Variants in FIGN observed in about 807,000 individuals in gnomAD.
FIGN encodes fidgetin, microtubule severing factor, also known as fidgetin.
In FIGN, 11 loss-of-function variants were observed where a neutral mutation model predicts 51.3. The observed-to-expected ratio is 0.21, with a 90% CI of 0.13 to 0.35. The LOEUF is 0.35. Ranked by LOEUF, FIGN falls within the 10% of genes least tolerant of loss-of-function variation. The probability of loss-of-function intolerance (pLI) is 1.00; values close to 1 mark genes in which losing one functional copy is unlikely to be tolerated. For synonymous variants in FIGN, 407 were observed against 363.2 expected, an observed-to-expected ratio of 1.12 and a Z score of -1.37; for missense variants, 857 against 943.6, an observed-to-expected ratio of 0.91 and a Z score of 1.20.
In FIGN at chr2:163,611,474, G is replaced by C. The variant is rs768613569; in HGVS notation, c.358C>G (p.Pro120Ala). The C allele has an allele frequency of 1.2e-6, 2 of 1,614,170 alleles. No homozygotes were observed. Among genetic ancestry groups the C allele is most frequent in the Non-Finnish European group, 1.7e-6 (2 of 1,180,022 alleles). The part of the protein sequence containing the change: ...QPSLNSEAVY[P>A]MNCVPDVITA... ...ATAACATCCGGAACACAGTTCATGG[G>C]ATAAACAGCTTCTGAATTCAAGGAA... The change falls in exon 3 of 3, where the codon CCC becomes GCC. Residue 120 changes from proline (P) to alanine (A), a missense_variant. By Grantham distance (27) the Pro-to-Ala change is conservative (BLOSUM62 -1). Around this residue, in one of 3 missense-constraint regions of FIGN, gnomAD observed 799 missense variants for 849.5 expected, o/e 0.94. Coordinates refer to ENST00000333129, the MANE Select transcript of FIGN (RefSeq NM_018086.4).
At chr2:163,704,176 A>G (rs2105352357) in intron 2 of FIGN, among the ~76,000 whole-genome samples, 1 of 152,270 alleles carries the variant, frequency 6.6e-6, no homozygotes, top group South Asian at 2.1e-4. Flanking sequence ...AAGGTGATTG[A>G]AGGGTACAGT....
At chr2:163,709,810 T>C (rs903358913) in intron 2 of FIGN, among the ~76,000 whole-genome samples, 2 of 152,154 alleles carry the variant, frequency 1.3e-5, no homozygotes, top group Admixed American at 6.6e-5. Context: ...TGTTTTAAAA[T>C]GGGCAGGTCA....
chr2:163,624,131 TG>T (rs1299896643), intron 2 of FIGN, among the ~76,000 whole-genome samples: 1 of 152,104 alleles, frequency 6.6e-6, no homozygotes, highest in African/African-American at 2.4e-5. Context: ...AAATCAAGTT[TG>T]GCATCTAATG....
rs1012508978 is a variant in FIGN, at chr2:163,607,726, A to G, written c.*1826T>C. The G allele has an allele frequency of 1.4e-4, 21 of 152,346 alleles. No individual in the cohort carries two copies. The highest frequency in any genetic ancestry group is 2.8e-4 in the Non-Finnish European group (19 of 68,040). The allele number at this position is 152,346 out of a possible 1,614,324, so 9.4% of individuals were successfully genotyped here. A position where few individuals can be genotyped will look rare whatever the true frequency, so the allele number is the denominator to read the frequency against. On this transcript the variant is annotated 3_prime_UTR_variant, in exon 3 of 3. Transcript: ENST00000333129. ...AGTTTTGTTACTGCATCTCTAAACT[A>G]AAAAAAGAAAAGGGGAAAAAACCCA...
chr2:163,610,373 C>T lies in FIGN; in HGVS notation c.1459G>A (p.Asp487Asn), dbSNP rs1558993668. 1 of 1,614,144 alleles carries T rather than the reference C, an allele frequency of 6.2e-7. No homozygotes were observed. Among genetic ancestry groups the T allele is most frequent in the African/African-American group, 1.3e-5 (1 of 75,042 alleles). Residue 487 changes from aspartate (D) to asparagine (N), a missense_variant, in exon 3 of 3, where the codon GAC becomes AAC. Asp to Asn is a conservative substitution (Grantham distance 23, BLOSUM62 1). Coordinates refer to ENST00000333129, the MANE Select transcript of FIGN (RefSeq NM_018086.4). ...TTCACCAGGTCGAGACCAGCAATGT[C>T]ATTCCAGTCCACTGGAGGTCCTTGG... ...ITQGPPVDWN[D>N]IAGLDLVKAV...
intron 2 of FIGN, among the ~76,000 whole-genome samples, chr2:163,703,553 C>T (rs549536425): frequency 2.6e-5 from 4 of 152,116 alleles, no homozygotes; most frequent in Non-Finnish European, 5.9e-5. Flanking sequence ...CCATCAAGGA[C>T]TGCTGGATGT....
chr2:163,666,621 C>T (rs1226178851), intron 2 of FIGN, among the ~76,000 whole-genome samples: 1 of 152,092 alleles, frequency 6.6e-6, no homozygotes, highest in Non-Finnish European at 1.5e-5. Flanking sequence ...AAATGATCTC[C>T]TTTTAAGACC....
chr2:163,694,731 C>T (rs149356217), intron 2 of FIGN, among the ~76,000 whole-genome samples: 1 of 152,134 alleles, frequency 6.6e-6, no homozygotes, highest in African/African-American at 2.4e-5. Context: ...TACTACTTCA[C>T]CAAACAAAGA....
chr2:163,629,705 A>C (rs1236307990), intron 2 of FIGN, among the ~76,000 whole-genome samples: 1 of 152,134 alleles, frequency 6.6e-6, no homozygotes, highest in Non-Finnish European at 1.5e-5. Flanking sequence ...AGAGATGAAT[A>C]GTTGTGGCAG....
At chr2:163,659,082 C>T (rs1683610028) in intron 2 of FIGN, among the ~76,000 whole-genome samples, 1 of 151,804 alleles carries the variant, frequency 6.6e-6, no homozygotes, top group African/African-American at 2.4e-5. Context: ...TCTTTTCTTA[C>T]TAAATGGTCA....
At chr2:163,672,835 T>G (rs1683899115) in intron 2 of FIGN, among the ~76,000 whole-genome samples, 1 of 152,210 alleles carries the variant, frequency 6.6e-6, no homozygotes, top group South Asian at 2.1e-4. Context: ...AAGACACACA[T>G]GCACACTCTG....
In FIGN at chr2:163,609,323, C is replaced by T. The variant is rs960932512; in HGVS notation, c.*229G>A. The T allele has an allele frequency of 1.8e-6, 1 of 545,718 alleles. No homozygotes were observed. Among genetic ancestry groups the T allele is most frequent in the African/African-American group, 1.9e-5 (1 of 52,960 alleles). 33.8% of individuals were successfully genotyped at this position (545,718 alleles called of 1,614,324 possible). Reference sequence around the variant, plus strand: ...TGAGTGTTGTCTAGCTTGAACAGAACTGAGCATCCACATATGCTTTCTGTC... The same window carrying T: ...TGAGTGTTGTCTAGCTTGAACAGAATTGAGCATCCACATATGCTTTCTGTC... On this transcript the variant is annotated 3_prime_UTR_variant, in exon 3 of 3. Coordinates refer to ENST00000333129, the MANE Select transcript of FIGN (RefSeq NM_018086.4).
At chr2:163,674,446 A>C (rs1015569472) in intron 2 of FIGN, among the ~76,000 whole-genome samples, 7 of 152,194 alleles carry the variant, frequency 4.6e-5, no homozygotes, top group Non-Finnish European at 8.8e-5. Flanking sequence ...ATATAGAGAA[A>C]AACATGGACA....
At chr2:163,725,511 T>C (rs1413711478) in intron 2 of FIGN, among the ~76,000 whole-genome samples, 2 of 152,090 alleles carry the variant, frequency 1.3e-5, no homozygotes, top group Non-Finnish European at 2.9e-5. Context: ...CCCATCTTAG[T>C]GACTGTGGCA....
rs745921022 is a variant in FIGN, at chr2:163,611,822, G to A, written c.26-16C>T. 3 of 1,580,382 alleles carry A rather than the reference G, an allele frequency of 1.9e-6. No homozygotes were observed. The South Asian group carries it at 3.4e-5, about 18-fold the overall frequency. ...ATCTTCAAGCCTAAGAATTTTGGGG[G>A]GAAAAGAGTTAATTTACTTAAATAG... On this transcript the variant is annotated splice_polypyrimidine_tract_variant and intron_variant, in intron 2 of 2. Coordinates refer to ENST00000333129, the MANE Select transcript of FIGN (RefSeq NM_018086.4).
Position 163,609,839 on chromosome 2 carries a change from G to T in FIGN, c.1993C>A (p.Leu665Met), listed in dbSNP as rs759080544. Residue 665 changes from leucine (L) to methionine (M), a missense_variant, in exon 3 of 3, where the codon CTG (leucine) becomes ATG (methionine). By Grantham distance (15) the Leu-to-Met change is conservative (BLOSUM62 2). This residue lies in a region of FIGN where 799 missense variants were observed against 849.5 expected (regional missense o/e 0.94). Transcript: ENST00000333129. ...STARHQIIVQ[L>M]LSQHNYCLND... ...AGACAGTAATTGTGCTGTGAGAGCA[G>T]TTGTACTATTATCTGGTGCCTCGCT... 3.1e-6 allele frequency: 5 copies of T among 1,614,172 alleles called. No homozygotes were observed. In the South Asian group the frequency reaches 5.5e-5, roughly 18 times the overall value.
chr2:163,702,713 A>G (rs910142961), intron 2 of FIGN, among the ~76,000 whole-genome samples: 2 of 152,202 alleles, frequency 1.3e-5, no homozygotes, highest in African/African-American at 4.8e-5. Flanking sequence ...TAACTTGACT[A>G]TTTAGCGATT....
At chr2:163,650,678 T>G (rs1385267214) in intron 2 of FIGN, among the ~76,000 whole-genome samples, 1 of 152,170 alleles carries the variant, frequency 6.6e-6, no homozygotes, top group African/African-American at 2.4e-5. Flanking sequence ...ATGTATTTTT[T>G]GTTTCTCCCT....
chr2:163,651,510 A>G (rs1683477366), intron 2 of FIGN, among the ~76,000 whole-genome samples: 2 of 152,218 alleles, frequency 1.3e-5, no homozygotes. Context: ...TTTGAAAATC[A>G]GTAATTTAGG....
Sources: allele counts gnomAD v4.1 joint callset (sites outside exome capture counted in the v4.1 genomes callset), GRCh38; gene constraint gnomAD v4.1.1; regional missense constraint gnomAD v4.1.1; transcripts MANE v1.5; gene names NCBI Gene and HGNC (gene_info 2026-07-23, HGNC 2026-07-21).